The following PTPRQ variants were observed in gnomAD, a reference collection of about 807,000 sequenced individuals.
PTPRQ encodes protein tyrosine phosphatase receptor type Q.
In PTPRQ, 199 loss-of-function variants were observed where a neutral mutation model predicts 246.0. The ratio of observed to expected loss-of-function variants is 0.81; its 90% CI spans 0.72 to 0.91. The LOEUF is 0.91. Ranked by LOEUF, PTPRQ falls within the 40% of genes least tolerant of loss-of-function variation. The pLI is 0.00. For missense variants in PTPRQ, 2,624 were observed against 2,528.4 expected (o/e 1.04, Z -0.81); for synonymous variants, 869 against 853.2 (o/e 1.02, Z -0.32).
chr12:80,519,146 A>C (rs1211750607), intron 17 of PTPRQ, among the ~76,000 whole-genome samples: 1 of 151,882 alleles, frequency 6.6e-6, no homozygotes, highest in Admixed American at 6.6e-5. Flanking sequence ...TGTCCTCTTC[A>C]CTTTTTTTCA....
At chr12:80,664,935 T>C (rs1422491911) in intron 39 of PTPRQ, among the ~76,000 whole-genome samples, 2 of 151,958 alleles carry the variant, frequency 1.3e-5, no homozygotes, top group Non-Finnish European at 2.9e-5. Flanking sequence ...TCTTGGTGAT[T>C]GTAAGAGTCA....
intron 25 of PTPRQ, among the ~76,000 whole-genome samples, chr12:80,563,682 G>A (rs972346262): frequency 1.3e-5 from 2 of 152,104 alleles, no homozygotes; most frequent in African/African-American, 4.8e-5. Flanking sequence ...GGGTTAGCTT[G>A]GGATTTTTGG....
chr12:80,601,117 C>T (rs951020728), intron 26 of PTPRQ, among the ~76,000 whole-genome samples: 4 of 151,816 alleles, frequency 2.6e-5, no homozygotes, highest in Admixed American at 6.6e-5. Context: ...AAAATAGTAA[C>T]GCCCTAAGCA....
chr12:80,679,197 A>G lies in PTPRQ; in HGVS notation c.*174A>G. ...AGACTAGTTCTTGAAAATAGCTAAT[A>G]CAGAATAATTATTTGTTTTGTACAG... On this transcript the variant is annotated 3_prime_UTR_variant, in exon 45 of 45. Coordinates refer to ENST00000644991, the MANE Select transcript of PTPRQ (RefSeq NM_001145026.2). 1 of 618,586 alleles carries G rather than the reference A, an allele frequency of 1.6e-6. No individual in the cohort carries two copies. Among genetic ancestry groups the G allele is most frequent in the South Asian group, 4.5e-5 (1 of 22,074 alleles). 38.3% of individuals were successfully genotyped at this position (618,586 alleles called of 1,614,324 possible).
At chr12:80,637,763 G>A (rs923991788) in intron 35 of PTPRQ, among the ~76,000 whole-genome samples, 1 of 152,152 alleles carries the variant, frequency 6.6e-6, no homozygotes, top group African/African-American at 2.4e-5. Flanking sequence ...GTACATATGA[G>A]TGGATCCTGT....
At chr12:80,626,709 T>C (rs1223004137) in intron 33 of PTPRQ, among the ~76,000 whole-genome samples, 1 of 152,160 alleles carries the variant, frequency 6.6e-6, no homozygotes, top group Non-Finnish European at 1.5e-5. Context: ...ACACACTACC[T>C]GCAAATCACT....
intron 38 of PTPRQ, among the ~76,000 whole-genome samples, chr12:80,656,935 T>A (rs945969063): frequency 1.3e-4 from 17 of 132,442 alleles, no homozygotes; most frequent in Admixed American, 6.7e-4. Flanking sequence ...ACCAGAAAAA[T>A]CCATGAAATT....
At chr12:80,650,737 C>T (rs1377207099) in intron 37 of PTPRQ, among the ~76,000 whole-genome samples, 1 of 151,970 alleles carries the variant, frequency 6.6e-6, no homozygotes, top group Non-Finnish European at 1.5e-5. Flanking sequence ...CTCAATTTTT[C>T]AGGAGCAAAA....
chr12:80,521,613 A>G (rs570269913), intron 17 of PTPRQ, among the ~76,000 whole-genome samples: 23 of 152,248 alleles, frequency 1.5e-4, no homozygotes, highest in Admixed American at 6.5e-4. Context: ...CATTTATTAA[A>G]TAGGGAATCC....
intron 9 of PTPRQ, among the ~76,000 whole-genome samples, chr12:80,491,983 T>TA (rs1226994883): frequency 2.0e-5 from 3 of 151,576 alleles, no homozygotes; most frequent in Non-Finnish European, 3.0e-5. Flanking sequence ...AGAATTTTTT[T>TA]AAAAAAAGGG....
chr12:80,606,012 C>A (rs1898306388), intron 27 of PTPRQ, among the ~76,000 whole-genome samples: 2 of 151,022 alleles, frequency 1.3e-5, no homozygotes. Context: ...GAAAAATAAT[C>A]TAAACCTATA....
At chr12:80,444,635 G>C in intron 1 of PTPRQ, 106 bp from the exon 2 acceptor site, 2 of 809,188 alleles carry the variant, frequency 2.5e-6, no homozygotes, top group East Asian at 2.7e-5. Flanking sequence ...AAACAGTGCA[G>C]AGTTATATAG....
intron 7 of PTPRQ, among the ~76,000 whole-genome samples, chr12:80,471,300 G>A (rs1380431490): frequency 1.3e-5 from 2 of 151,916 alleles, no homozygotes; most frequent in South Asian, 4.2e-4. Context: ...AACAAAAACA[G>A]TGTTCTCAGG....
chr12:80,583,454 T>C lies in PTPRQ; in HGVS notation c.4286-4675T>C, dbSNP rs150136249. 6.7e-3 allele frequency among the ~76,000 whole-genome samples: 1,021 copies of C among 152,276 alleles called. 13 individuals are homozygous for C. The highest frequency in any genetic ancestry group is 0.023 in the African/African-American group (972 of 41,542). ...GATTAGGCCTCTTTGGAGTGGGTTT[T>C]CAGTGCAGAGCTGAGATTTATAGGA... On this transcript the variant is annotated intron_variant, in intron 25 of 44. Coordinates refer to ENST00000644991, the MANE Select transcript of PTPRQ (RefSeq NM_001145026.2).
rs1457960974 is a variant in PTPRQ at position 80,635,045 on chromosome 12, C to G, written c.5887C>G (p.Leu1963Val). Residue 1963 changes from leucine to valine, a missense_variant, in exon 35 of 45, where the codon CTG (leucine) becomes GTG (valine). Transcript: ENST00000644991. ...KLDQLITVAD[L>V]ELKDERLTRL... ...GGATCAGCTCATCACAGTGGCAGACCTGGAACTGAAGGACGAGAGATTAAC... is the reference window on the plus strand; with the variant it reads ...GGATCAGCTCATCACAGTGGCAGACGTGGAACTGAAGGACGAGAGATTAAC... 6.4e-7 allele frequency: 1 copy of G among 1,550,982 alleles called. No individual in the cohort carries two copies.
intron 25 of PTPRQ, among the ~76,000 whole-genome samples, chr12:80,552,454 G>A (rs919518558): frequency 6.6e-6 from 1 of 151,200 alleles, no homozygotes; most frequent in South Asian, 2.1e-4. Context: ...ATACTAGGTT[G>A]GTGCAAAAGT....
chr12:80,647,908 CTG>C (rs1404819742), intron 35 of PTPRQ, among the ~76,000 whole-genome samples: 1 of 152,052 alleles, frequency 6.6e-6, no homozygotes, highest in Non-Finnish European at 1.5e-5. Flanking sequence ...CCATCATTAA[CTG>C]AGAATTCTAA....
chr12:80,507,794 C>T (rs1199538127), intron 16 of PTPRQ, among the ~76,000 whole-genome samples: 1 of 151,864 alleles, frequency 6.6e-6, no homozygotes, highest in East Asian at 1.9e-4. Flanking sequence ...ATTCTCCTTG[C>T]TCTGAAAGTT....
intron 30 of PTPRQ, among the ~76,000 whole-genome samples, chr12:80,616,693 T>G (rs913187988): frequency 6.6e-6 from 1 of 151,174 alleles, no homozygotes; most frequent in Non-Finnish European, 1.5e-5. Context: ...TTAAATAGTG[T>G]TTTTTGAACT....
Sources: allele counts gnomAD v4.1 joint callset (sites outside exome capture counted in the v4.1 genomes callset), GRCh38; gene constraint gnomAD v4.1.1; transcripts MANE v1.5; gene names NCBI Gene and HGNC (gene_info 2026-07-23, HGNC 2026-07-21).